The following GRM7 variants were observed in gnomAD, a reference collection of about 807,000 sequenced individuals.
GRM7 encodes glutamate metabotropic receptor 7.
In GRM7, 35 loss-of-function variants were observed where a neutral mutation model predicts 84.5. The observed-to-expected ratio is 0.41, with a 90% CI of 0.32 to 0.55. The LOEUF (loss-of-function observed/expected upper bound fraction) is 0.55, where lower values mean the gene tolerates loss of function less well. GRM7 is among the 20% of genes least tolerant of loss of function. The probability of loss-of-function intolerance (pLI) is 0.19; values close to 1 mark genes in which losing one functional copy is unlikely to be tolerated. For missense variants in GRM7, 1,003 were observed against 1,194.6 expected (o/e 0.84, Z 2.36); for synonymous variants, 487 against 455.1 (o/e 1.07, Z -0.89).
intron 4 of GRM7, among the ~76,000 whole-genome samples, chr3:7,370,620 G>T: frequency 6.6e-6 from 1 of 150,810 alleles, no homozygotes; most frequent in African/African-American, 2.4e-5. Flanking sequence ...AATACAAAAG[G>T]AAATGGATAA....
At chr3:7,462,986 A>G (rs1698311053) in intron 7 of GRM7, among the ~76,000 whole-genome samples, 1 of 150,246 alleles carries the variant, frequency 6.7e-6, no homozygotes, top group South Asian at 2.3e-4. Flanking sequence ...ACAAAAACCT[A>G]AAAGGTAAAC....
At chr3:7,043,950 G>T (rs1696715697) in intron 1 of GRM7, among the ~76,000 whole-genome samples, 1 of 152,124 alleles carries the variant, frequency 6.6e-6, no homozygotes, top group African/African-American at 2.4e-5. Flanking sequence ...GAGTAGCTGG[G>T]AATACAGGCA....
chr3:7,561,841 T>C (rs1015086214), intron 7 of GRM7, among the ~76,000 whole-genome samples: 2 of 152,162 alleles, frequency 1.3e-5, no homozygotes, highest in Non-Finnish European at 2.9e-5. Context: ...TCATGTAAAA[T>C]AGACATCAGT....
chr3:7,627,244 T>C (rs1697656100), intron 8 of GRM7, among the ~76,000 whole-genome samples: 1 of 152,208 alleles, frequency 6.6e-6, no homozygotes, highest in African/African-American at 2.4e-5. Flanking sequence ...TTTTTATTTC[T>C]CCTCTTATTG....
Position 7,265,982 on chromosome 3 carries a change from G to C in GRM7, c.737-32702G>C, listed in dbSNP as rs1698621732. 5.3e-5 allele frequency among the ~76,000 whole-genome samples: 8 copies of C among 152,274 alleles called. No homozygotes were observed. In the South Asian group the frequency reaches 1.7e-3, roughly 32 times the overall value. Reference sequence around the variant, plus strand: ...TGAGAGCTCAGCAAGACTGTGGTCAGTGCTGGGCACAGGCAGTGTCTTAAT... The same window carrying C: ...TGAGAGCTCAGCAAGACTGTGGTCACTGCTGGGCACAGGCAGTGTCTTAAT... On this transcript the variant is annotated intron_variant, in intron 2 of 9. Transcript: ENST00000357716.
chr3:7,088,884 C>G (rs61111825), intron 1 of GRM7, among the ~76,000 whole-genome samples: 3,311 of 151,868 alleles, frequency 0.022, 110 homozygotes, highest in African/African-American at 0.077. Flanking sequence ...AAACTGACTA[C>G]TCTGGCAAAG....
intron 4 of GRM7, among the ~76,000 whole-genome samples, chr3:7,336,214 A>C (rs73132251): frequency 0.039 from 5,944 of 152,074 alleles, 245 homozygotes; most frequent in African/African-American, 0.11. Flanking sequence ...TGGATTTCAT[A>C]CCTGGGATGC....
chr3:6,953,499 AT>A (rs767063641), intron 1 of GRM7, among the ~76,000 whole-genome samples: 3 of 152,032 alleles, frequency 2.0e-5, no homozygotes, highest in Non-Finnish European at 4.4e-5. Flanking sequence ...TATATGCTTC[AT>A]TTTTCCCCCC....
chr3:7,090,074 C>T (rs1051330752), intron 1 of GRM7, among the ~76,000 whole-genome samples: 9 of 152,064 alleles, frequency 5.9e-5, no homozygotes, highest in Non-Finnish European at 1.0e-4. Context: ...AACTCCTGAC[C>T]TCAGGTGATC....
Position 7,392,111 on chromosome 3 carries a change from C to T in GRM7, c.1034-22912C>T, listed in dbSNP as rs553819203. Among the ~76,000 whole-genome samples, 5 of 152,312 alleles carry T rather than the reference C, an allele frequency of 3.3e-5. No homozygotes were observed. In the East Asian group the frequency reaches 9.7e-4, roughly 29 times the overall value. ...ATCCCCTCCTTTGGTGTGGTTTGAA[C>T]TGAGGAGTAGATCTCCAGGTAAGTG... is the stretch of plus-strand genomic sequence containing the variant. On this transcript the variant is annotated intron_variant, in intron 4 of 9. Transcript: ENST00000357716.
chr3:7,003,683 T>A (rs1407499341), intron 1 of GRM7, among the ~76,000 whole-genome samples: 3 of 152,248 alleles, frequency 2.0e-5, no homozygotes, highest in Non-Finnish European at 2.9e-5. Context: ...GAGTGATTGC[T>A]GCTATAGTAG....
At chr3:7,344,457 C>G (rs748751705) in intron 4 of GRM7, among the ~76,000 whole-genome samples, 1 of 151,702 alleles carries the variant, frequency 6.6e-6, no homozygotes, top group Non-Finnish European at 1.5e-5. Flanking sequence ...TATTCCATGG[C>G]GTATATGTAC....
intron 5 of GRM7, among the ~76,000 whole-genome samples, chr3:7,435,395 A>T (rs1263411137): frequency 6.6e-6 from 1 of 151,972 alleles, no homozygotes; most frequent in Non-Finnish European, 1.5e-5. Context: ...AGCTCAAGAG[A>T]TCCACCCACC....
intron 1 of GRM7, among the ~76,000 whole-genome samples, chr3:6,961,205 A>G (rs1575070675): frequency 6.6e-6 from 1 of 152,286 alleles, no homozygotes; most frequent in East Asian, 1.9e-4. Context: ...AATCACTAGC[A>G]TCTTGTGTTC....
intron 7 of GRM7, among the ~76,000 whole-genome samples, chr3:7,536,822 G>A (rs753018413): frequency 2.0e-5 from 3 of 152,170 alleles, no homozygotes; most frequent in Non-Finnish European, 2.9e-5. Context: ...AGTCTCATGA[G>A]AGAATTTGAG....
At chr3:7,419,067 G>A (rs1696289428) in intron 5 of GRM7, among the ~76,000 whole-genome samples, 1 of 152,116 alleles carries the variant, frequency 6.6e-6, no homozygotes, top group Non-Finnish European at 1.5e-5. Context: ...AGTGGCCTGT[G>A]AGGAATTCAT....
intron 1 of GRM7, among the ~76,000 whole-genome samples, chr3:7,048,775 A>C (rs1696888160): frequency 6.6e-6 from 1 of 151,988 alleles, no homozygotes; most frequent in Admixed American, 6.6e-5. Context: ...CAAGATTATA[A>C]TACCTTACCT....
At chr3:7,026,116 C>T (rs1160895350) in intron 1 of GRM7, among the ~76,000 whole-genome samples, 1 of 152,112 alleles carries the variant, frequency 6.6e-6, no homozygotes, top group Non-Finnish European at 1.5e-5. Flanking sequence ...CAGTGTCATG[C>T]CAGTCATATT....
intron 1 of GRM7, among the ~76,000 whole-genome samples, chr3:7,038,037 C>T (rs567193269): frequency 2.1e-3 from 327 of 152,180 alleles, no homozygotes; most frequent in Non-Finnish European, 2.9e-3. Context: ...TCATTTCAGT[C>T]AATAAAAAGG....
Sources: allele counts gnomAD v4.1 joint callset (sites outside exome capture counted in the v4.1 genomes callset), GRCh38; gene constraint gnomAD v4.1.1; transcripts MANE v1.5; gene names NCBI Gene and HGNC (gene_info 2026-07-23, HGNC 2026-07-21).